The following PARL variants were observed in gnomAD, a reference collection of about 807,000 sequenced individuals.
The protein encoded by PARL is presenilin-associated rhomboid-like protein, mitochondrial.
PARL carries 44 observed loss-of-function variants against 51.6 expected under a neutral mutation model. That is an observed-to-expected ratio of 0.85 (90% confidence interval 0.67 to 1.10). The LOEUF is 1.10. Among genes scored for constraint, PARL ranks in the 50% least tolerant of loss-of-function variants. The pLI, the probability that PARL is intolerant of heterozygous loss-of-function variation, is 0.00. For missense variants in PARL, 441 were observed against 469.5 expected, an observed-to-expected ratio of 0.94 and a Z score of 0.56; for synonymous variants, 172 against 164.0, an observed-to-expected ratio of 1.05 and a Z score of -0.37.
chr3:183,835,073 C>CA (rs1486122957), intron 7 of PARL, among the ~76,000 whole-genome samples: 1 of 149,842 alleles, frequency 6.7e-6, no homozygotes, highest in African/African-American at 2.5e-5. Flanking sequence ...CAAAACAAAA[C>CA]AAACAAACAA....
chr3:183,840,729 A>AG, intron 6 of PARL, 89 bp from the exon 7 acceptor site: 1 of 697,546 alleles, frequency 1.4e-6, no homozygotes, highest in Non-Finnish European at 2.4e-6. Flanking sequence ...TTTTTGAGAC[A>AG]GAGTTTCACT....
intron 3 of PARL, among the ~76,000 whole-genome samples, chr3:183,864,959 C>A (rs1732295289): frequency 7.1e-6 from 1 of 140,532 alleles, no homozygotes; most frequent in African/African-American, 2.7e-5. Flanking sequence ...AGACACTCAA[C>A]AGCAGGTATT....
At position 183,844,320 on chromosome 3, in the gene PARL, A is replaced by G. The variant is rs375322471; in HGVS notation, c.518T>C (p.Ile173Thr). Residue 173 changes from isoleucine to threonine, a missense_variant, in exon 5 of 10, where the codon ATA becomes ACA. Transcript: ENST00000317096. ...ACAGAATACAAGGACATTTGCAGCTATAATACCTACAAAATAAATATTTAT... is the reference window on the plus strand; with the variant it reads ...ACAGAATACAAGGACATTTGCAGCTGTAATACCTACAAAATAAATATTTAT... ...SDGQRTVTGI[I>T]AANVLVFCLW... 9 of 1,570,006 alleles carry G rather than the reference A, an allele frequency of 5.7e-6. No individual in the cohort carries two copies. In the African/African-American group the frequency reaches 6.7e-5, roughly 12 times the overall value.
At position 183,829,456 on chromosome 3, in the gene PARL, C is replaced by CTGGG. The variant is rs1727657273; in HGVS notation, c.*138_*141dup. On this transcript the variant is annotated 3_prime_UTR_variant, in exon 10 of 10. Coordinates refer to ENST00000317096, the MANE Select transcript of PARL (RefSeq NM_018622.7). ...CATTCACATTCTAAAAAGACACGGA[C>CTGGG]TGGGGGACACAGCTGAAAACAGTGG... 3 of 1,600,656 alleles carry CTGGG rather than the reference C, an allele frequency of 1.9e-6. No individual in the cohort carries two copies. In the African/African-American group the frequency reaches 4.0e-5, roughly 21 times the overall value.
intron 1 of PARL, among the ~76,000 whole-genome samples, chr3:183,868,939 A>G (rs1460974732): frequency 1.3e-5 from 2 of 152,190 alleles, no homozygotes; most frequent in Non-Finnish European, 2.9e-5. Flanking sequence ...CAACAGTTAA[A>G]AAAAAATTTT....
intron 7 of PARL, among the ~76,000 whole-genome samples, chr3:183,834,886 CAAAAA>C (rs60078452): frequency 0.51 from 55,314 of 108,626 alleles, 12,472 homozygotes; most frequent in Middle Eastern, 0.6. Flanking sequence ...ACTAAAAATA[CAAAAA>C]AAAAAAAAAA....
At chr3:183,833,703 G>A (rs41265441) in intron 8 of PARL, 21 bp downstream of exon 8, 35 of 1,518,474 alleles carry the variant, frequency 2.3e-5, no homozygotes, top group Non-Finnish European at 3.2e-5. Context: ...CCCCAGCACT[G>A]CACTTCATAA....
rs796106541 is a variant in PARL at position 183,860,110 on chromosome 3, G to T, written c.511+2643C>A. On this transcript the variant is annotated intron_variant, in intron 4 of 9. Transcript: ENST00000317096. ...TCTCCAATCCAAAGAAAGAAAGTGG[G>T]ACGGAGTAGACCTGTCACCCCATAA... is the stretch of plus-strand genomic sequence containing the variant. 4.6e-5 allele frequency among the ~76,000 whole-genome samples: 7 copies of T among 151,468 alleles called. No homozygotes were observed. In the South Asian group the frequency reaches 1.2e-3, roughly 27 times the overall value.
At chr3:183,877,324 T>C (rs553495308) in intron 1 of PARL, among the ~76,000 whole-genome samples, 2 of 152,344 alleles carry the variant, frequency 1.3e-5, no homozygotes, top group African/African-American at 4.8e-5. Context: ...TTGTTTCTTA[T>C]GGATGAGCAA....
chr3:183,875,415 CAAAAAAAAAA>C (rs61316689), intron 1 of PARL, among the ~76,000 whole-genome samples: 5 of 60,138 alleles, frequency 8.3e-5, no homozygotes, highest in African/African-American at 1.4e-4. Context: ...ACTCTGTCTC[CAAAAAAAAAA>C]AAAAAAAAAA....
At chr3:183,883,428 C>G (rs913333377) in intron 1 of PARL, among the ~76,000 whole-genome samples, 1 of 152,092 alleles carries the variant, frequency 6.6e-6, no homozygotes, top group Non-Finnish European at 1.5e-5. Context: ...GCCACCATGC[C>G]CCGCTAATTT....
At chr3:183,869,604 T>C (rs183409682) in intron 1 of PARL, among the ~76,000 whole-genome samples, 14 of 151,818 alleles carry the variant, frequency 9.2e-5, no homozygotes, top group Admixed American at 7.9e-4. Context: ...AAAGATATTA[T>C]ATATATAACG....
At chr3:183,880,526 C>T (rs1441837685) in intron 1 of PARL, among the ~76,000 whole-genome samples, 1 of 152,046 alleles carries the variant, frequency 6.6e-6, no homozygotes, top group African/African-American at 2.4e-5. Flanking sequence ...CTCAGCCTCC[C>T]AAGTAGCTGA....
chr3:183,873,094 T>C (rs896601174), intron 1 of PARL, among the ~76,000 whole-genome samples: 1 of 152,194 alleles, frequency 6.6e-6, no homozygotes, highest in South Asian at 2.1e-4. Context: ...GATCCCAAAG[T>C]AACCTGGAGA....
chr3:183,827,095 G>C (rs1383839822), downstream of PARL, among the ~76,000 whole-genome samples: 1 of 152,046 alleles, frequency 6.6e-6, no homozygotes, highest in East Asian at 1.9e-4. Flanking sequence ...GGTCACGGGG[G>C]AGGAGGGTTC....
intron 4 of PARL, 132 bp downstream of exon 4, chr3:183,862,621 G>T: frequency 2.8e-6 from 2 of 724,358 alleles, no homozygotes; most frequent in Non-Finnish European, 5.0e-6. Context: ...TATTACATTA[G>T]CCTATCAGTA....
intron 4 of PARL, among the ~76,000 whole-genome samples, chr3:183,846,021 G>C (rs1729907035): frequency 6.6e-6 from 1 of 152,042 alleles, no homozygotes; most frequent in South Asian, 2.1e-4. Context: ...CTGCCTACTA[G>C]GCTGAAAAAT....
At chr3:183,828,642 G>A (rs1265732196), downstream of PARL, among the ~76,000 whole-genome samples, 1 of 152,164 alleles carries the variant, frequency 6.6e-6, no homozygotes, top group Non-Finnish European at 1.5e-5. Flanking sequence ...CTGGTGAGGT[G>A]GGCACCACTC....
At chr3:183,849,726 C>A (rs1047725495) in intron 4 of PARL, among the ~76,000 whole-genome samples, 2 of 151,796 alleles carry the variant, frequency 1.3e-5, no homozygotes, top group African/African-American at 4.8e-5. Flanking sequence ...ATAAAATTGA[C>A]AAACTTTTAG....
Sources: gnomAD v4.1 joint callset for allele counts (sites outside exome capture counted in the v4.1 genomes callset) on GRCh38, gnomAD v4.1.1 for gene constraint, MANE v1.5 for transcripts, NCBI Gene and HGNC (gene_info 2026-07-23, HGNC 2026-07-21) for gene names.